TCF23: variants seen among roughly 807,000 people sequenced by gnomAD.
TCF23 encodes transcription factor 23.
TCF23 carries 7 observed loss-of-function variants against 13.0 expected under a neutral mutation model. That is an observed-to-expected ratio of 0.54 (90% confidence interval 0.31 to 1.01). The LOEUF (loss-of-function observed/expected upper bound fraction) is 1.01. TCF23 is among the 50% of genes least tolerant of loss of function. The pLI is 0.06. For synonymous variants in TCF23, 122 were observed against 119.5 expected, an observed-to-expected ratio of 1.02 and a Z score of -0.14; for missense variants, 257 against 289.8, an observed-to-expected ratio of 0.89 and a Z score of 0.82.
Position 27,155,760 on chromosome 2 carries a change from AAAAAG to A in TCF23, c.*2907_*2911del, listed in dbSNP as rs563838456. On this transcript the variant is annotated 3_prime_UTR_variant, in exon 3 of 3. Transcript: ENST00000296096. Reference sequence around the variant, plus strand: ...CTCGGGAAAAAAAAATGAAAGAAAAAAAAAGAAAAGAAAAGAAATAAAAGAAAATA... The same window carrying A: ...CTCGGGAAAAAAAAATGAAAGAAAAAAAAAGAAAAGAAATAAAAGAAAATA... The A allele has an allele frequency of 6.6e-6, 1 of 152,192 alleles. No homozygotes were observed. The highest frequency in any genetic ancestry group is 2.4e-5 in the African/African-American group (1 of 41,408). The allele number at this position is 152,192 out of a possible 1,614,324, so 9.4% of individuals were successfully genotyped here. A position where few individuals can be genotyped will look rare whatever the true frequency, so the allele number is the denominator to read the frequency against.
Position 27,153,058 on chromosome 2 carries a change from T to A in TCF23, c.*191T>A. ...GAGGGGCACAGGTTGGAGAGCCTCCTCCTTGGTCCCCAGGAGGGGACTTCC... is the reference window on the plus strand; with the variant it reads ...GAGGGGCACAGGTTGGAGAGCCTCCACCTTGGTCCCCAGGAGGGGACTTCC... On this transcript the variant is annotated 3_prime_UTR_variant, in exon 3 of 3. Coordinates refer to ENST00000296096, the MANE Select transcript of TCF23 (RefSeq NM_175769.3). The A allele has an allele frequency of 7.5e-7, 1 of 1,326,952 alleles. No homozygotes were observed. Among genetic ancestry groups the A allele is most frequent in the Non-Finnish European group, 9.7e-7 (1 of 1,028,136 alleles). 82.2% of individuals were successfully genotyped at this position (1,326,952 alleles called of 1,614,324 possible). A position where few individuals can be genotyped will look rare whatever the true frequency, so the allele number is the denominator to read the frequency against.
rs1672843700 is a variant in TCF23 at position 27,156,827 on chromosome 2, T to A, written c.*3960T>A. On this transcript the variant is annotated 3_prime_UTR_variant, in exon 3 of 3. Transcript: ENST00000296096. ...GGCTAGGGTGAGTCAGATGGCACTGTCCTCTCCCTTTTGTGGCATGAGCCC... is the reference window on the plus strand; with the variant it reads ...GGCTAGGGTGAGTCAGATGGCACTGACCTCTCCCTTTTGTGGCATGAGCCC... 1 of 152,224 alleles carries A rather than the reference T, an allele frequency of 6.6e-6. No homozygotes were observed. Among genetic ancestry groups the A allele is most frequent in the Non-Finnish European group, 1.5e-5 (1 of 68,052 alleles). 9.4% of individuals were successfully genotyped at this position (152,224 alleles called of 1,614,324 possible).
intron 1 of TCF23, 128 bp downstream of exon 1, chr2:27,149,483 C>T (rs1482495899): frequency 5.6e-6 from 5 of 890,482 alleles, no homozygotes; most frequent in Non-Finnish European, 6.9e-6. Flanking sequence ...GACACTGGCC[C>T]CTTAGACTCC....
At chr2:27,149,868 A>G in intron 1 of TCF23, 2 of 681,764 alleles carry the variant, frequency 2.9e-6, no homozygotes, top group African/African-American at 1.8e-5. Flanking sequence ...GGAGTAGTAG[A>G]GAGAACACAG....
rs1312271940 is a variant in TCF23, at chr2:27,155,390, T to G, written c.*2523T>G. 1.3e-5 allele frequency: 2 copies of G among 152,288 alleles called. No individual in the cohort carries two copies. The allele number at this position is 152,288 out of a possible 1,614,324, so 9.4% of individuals were successfully genotyped here. A position where few individuals can be genotyped will look rare whatever the true frequency, so the allele number is the denominator to read the frequency against. On this transcript the variant is annotated 3_prime_UTR_variant, in exon 3 of 3. Transcript: ENST00000296096. The stretch of plus-strand genomic sequence containing the variant: ...AGCACAGTAATGCCCTTGAGACATG[T>G]CAGGACTTGGATGCGTGAATGAACC...
chr2:27,152,159 C>A (rs1296585707), intron 2 of TCF23, among the ~76,000 whole-genome samples: 1 of 152,170 alleles, frequency 6.6e-6, no homozygotes, highest in Non-Finnish European at 1.5e-5. Flanking sequence ...CCAATGAGGG[C>A]CCGGTTAGGT....
Position 27,156,760 on chromosome 2 carries a change from G to T in TCF23, c.*3893G>T, listed in dbSNP as rs1422138476. On this transcript the variant is annotated 3_prime_UTR_variant, in exon 3 of 3. Coordinates refer to ENST00000296096, the MANE Select transcript of TCF23 (RefSeq NM_175769.3). The stretch of plus-strand genomic sequence containing the variant: ...GGGAACTAGAGAAGTAGAGGATCTA[G>T]CCTTCTCTGAGACTCCTTTTCTCTT... 1.3e-5 allele frequency: 2 copies of T among 152,228 alleles called. No homozygotes were observed. The highest frequency in any genetic ancestry group is 4.8e-5 in the African/African-American group (2 of 41,452). The allele number at this position is 152,228 out of a possible 1,614,324, so 9.4% of individuals were successfully genotyped here. A position where few individuals can be genotyped will look rare whatever the true frequency, so the allele number is the denominator to read the frequency against.
Position 27,149,312 on chromosome 2 carries a change from CT to C in TCF23, c.180del (p.Gly61AlafsTer65). Reference protein sequence around the residue: ...WSNQRWSRATPGPRGTRAGGL... With the variant: ...WSNQRWSRATXGPRGTRAGGL... ...AACCAGAGATGGAGCAGAGCTACCC[CT>C]GGCCCTCGAGGGACCAGGGCTGGGG... On this transcript the variant is annotated frameshift_variant, in exon 1 of 3. Coordinates refer to ENST00000296096, the MANE Select transcript of TCF23 (RefSeq NM_175769.3). LOFTEE classifies it high-confidence loss of function. 1 of 1,594,894 alleles carries C rather than the reference CT, an allele frequency of 6.3e-7. No homozygotes were observed. Among genetic ancestry groups the C allele is most frequent in the South Asian group, 1.1e-5 (1 of 87,560 alleles).
Position 27,153,257 on chromosome 2 carries a change from G to A in TCF23, c.*390G>A, listed in dbSNP as rs1333555137. The A allele has an allele frequency of 1.2e-5, 2 of 167,990 alleles. No individual in the cohort carries two copies. Among genetic ancestry groups the A allele is most frequent in the Non-Finnish European group, 2.5e-5 (2 of 79,110 alleles). The allele number at this position is 167,990 out of a possible 1,614,324, so 10.4% of individuals were successfully genotyped here. A position where few individuals can be genotyped will look rare whatever the true frequency, so the allele number is the denominator to read the frequency against. ...GGGCCTGGGATGGCACCAGCCCCAG[G>A]TGCTGATGGGAAAGCCAGGTGGCCG... On this transcript the variant is annotated 3_prime_UTR_variant, in exon 3 of 3. Transcript: ENST00000296096.
At chr2:27,151,722 A>G (rs1284441266) in intron 2 of TCF23, among the ~76,000 whole-genome samples, 1 of 152,066 alleles carries the variant, frequency 6.6e-6, no homozygotes, top group African/African-American at 2.4e-5. Context: ...TGTACCCTCA[A>G]ACTCCTGGGC....
At chr2:27,149,411 G>A in intron 1 of TCF23, 56 bp downstream of exon 1, 1 of 1,477,224 alleles carries the variant, frequency 6.8e-7, no homozygotes, top group Non-Finnish European at 9.2e-7. Flanking sequence ...TTGGAAGGTG[G>A]GGAGATGTCA....
In TCF23 at chr2:27,150,545, G is replaced by A. The variant is rs1049954263; in HGVS notation, c.465+180G>A. Among the ~76,000 whole-genome samples the A allele has an allele frequency of 2.0e-5, 3 of 152,162 alleles. No homozygotes were observed. The highest frequency in any genetic ancestry group is 4.8e-5 in the African/African-American group (2 of 41,430). On this transcript the variant is annotated intron_variant, in intron 2 of 2. Transcript: ENST00000296096. This position sits in a 1 kb window ranked among gnomAD's most constrained non-coding sequence, Gnocchi z 4.1. ...AGCCAAGGCTGACCCTTGGGGCTGC[G>A]CTGACCCTGGGTTTCTCATGGGAGT...
At position 27,150,446 on chromosome 2, in the gene TCF23, A is replaced by G. The variant is rs752093338; in HGVS notation, c.465+81A>G. On this transcript the variant is annotated intron_variant, in intron 2 of 2. Transcript: ENST00000296096. This position sits in a 1 kb window ranked among gnomAD's most constrained non-coding sequence, Gnocchi z 4.1. Reference sequence around the variant, plus strand: ...GAAAGGGATTGGAATGAGGGGGGACATTGGACTTGGGCCCCCTGCCCTGTG... The same window carrying G: ...GAAAGGGATTGGAATGAGGGGGGACGTTGGACTTGGGCCCCCTGCCCTGTG... The G allele has an allele frequency of 1.3e-6, 2 of 1,567,736 alleles. No individual in the cohort carries two copies. The highest frequency in any genetic ancestry group is 1.7e-5 in the Admixed American group (1 of 57,526).
chr2:27,149,299 A>G lies in TCF23; in HGVS notation c.166A>G (p.Ser56Gly). ...AAGAAGCTGGAGCAACCAGAGATGG[A>G]GCAGAGCTACCCCTGGCCCTCGAGG... ...EERSWSNQRWSRATPGPRGTR... is the reference protein window; with the variant it reads ...EERSWSNQRWGRATPGPRGTR... Residue 56 changes from serine (S) to glycine (G), a missense_variant, in exon 1 of 3, where the codon AGC (serine) becomes GGC (glycine). Physicochemically the swap from Ser to Gly is moderately conservative, Grantham distance 56. Coordinates refer to ENST00000296096, the MANE Select transcript of TCF23 (RefSeq NM_175769.3). 6.3e-7 allele frequency: 1 copy of G among 1,597,560 alleles called. No individual in the cohort carries two copies. Among genetic ancestry groups the G allele is most frequent in the South Asian group, 1.1e-5 (1 of 87,932 alleles).
At position 27,149,081 on chromosome 2, in the gene TCF23, C is replaced by A; in HGVS notation, c.-53C>A. ...ACAGCCAGCTAGCTTGAGTCCAAGG[C>A]CTCCTCAGGCACTGTGTTTCTGCTC... is the stretch of plus-strand genomic sequence containing the variant. On this transcript the variant is annotated 5_prime_UTR_variant, in exon 1 of 3. Coordinates refer to ENST00000296096, the MANE Select transcript of TCF23 (RefSeq NM_175769.3). 1 of 1,501,504 alleles carries A rather than the reference C, an allele frequency of 6.7e-7. No homozygotes were observed. The highest frequency in any genetic ancestry group is 1.2e-5 in the South Asian group (1 of 80,782). The allele number at this position is 1,501,504 out of a possible 1,614,324, so 93.0% of individuals were successfully genotyped here.
Position 27,153,326 on chromosome 2 carries a change from G to A in TCF23, c.*459G>A, listed in dbSNP as rs1672789265. ...CCAAGTGTAAACAGATCTGGGCTGGGTCACACAGCCAGAGGGGAAACTGAA... is the reference window on the plus strand; with the variant it reads ...CCAAGTGTAAACAGATCTGGGCTGGATCACACAGCCAGAGGGGAAACTGAA... On this transcript the variant is annotated 3_prime_UTR_variant, in exon 3 of 3. Coordinates refer to ENST00000296096, the MANE Select transcript of TCF23 (RefSeq NM_175769.3). 1 of 155,324 alleles carries A rather than the reference G, an allele frequency of 6.4e-6. No homozygotes were observed. The highest frequency in any genetic ancestry group is 1.4e-5 in the Non-Finnish European group (1 of 70,244). 9.6% of individuals were successfully genotyped at this position (155,324 alleles called of 1,614,324 possible).
Position 27,150,496 on chromosome 2 carries a change from C to T in TCF23, c.465+131C>T, listed in dbSNP as rs1405825011. 2 of 1,460,538 alleles carry T rather than the reference C, an allele frequency of 1.4e-6. No individual in the cohort carries two copies. Among genetic ancestry groups the T allele is most frequent in the Non-Finnish European group, 1.9e-6 (2 of 1,080,956 alleles). The allele number at this position is 1,460,538 out of a possible 1,614,324, so 90.5% of individuals were successfully genotyped here. ...GCAGAACTGACGTCGGAGCCAATTT[C>T]TCCTGCTGTCTCAGAGGGAGAGGAG... is the stretch of plus-strand genomic sequence containing the variant. On this transcript the variant is annotated intron_variant, in intron 2 of 2. Coordinates refer to ENST00000296096, the MANE Select transcript of TCF23 (RefSeq NM_175769.3). The surrounding 1 kb of genome is among the most constrained non-coding windows in gnomAD (Gnocchi z 4.1).
At chr2:27,149,758 A>G in intron 1 of TCF23, 1 of 609,070 alleles carries the variant, frequency 1.6e-6, no homozygotes, top group Non-Finnish European at 3.2e-6. Flanking sequence ...GCCCTCCCAA[A>G]CAGGGTGTAG....
rs1042882295 is a variant in TCF23, at chr2:27,152,865, T to C, written c.643T>C (p.Ter215GlnextTer11). Reference sequence around the variant, plus strand: ...ACTCTCACCAGCTCTTGGTGACAAATAATTATCACACTCGCCCTTTTCTCC... The same window carrying C: ...ACTCTCACCAGCTCTTGGTGACAAACAATTATCACACTCGCCCTTTTCTCC... ...TPLSPALGDK[*>Q] Residue 215 changes from the stop codon to glutamine (Q), a stop_lost, in exon 3 of 3, where the codon TAA becomes CAA. Coordinates refer to ENST00000296096, the MANE Select transcript of TCF23 (RefSeq NM_175769.3). The C allele has an allele frequency of 6.2e-6, 10 of 1,612,706 alleles. No individual in the cohort carries two copies. The highest frequency in any genetic ancestry group is 8.5e-6 in the Non-Finnish European group (10 of 1,179,246).
Sources: gnomAD v4.1 joint callset for allele counts (sites outside exome capture counted in the v4.1 genomes callset) on GRCh38, gnomAD v4.1.1 for gene constraint, Gnocchi (gnomAD v3.1) non-coding constraint, MANE v1.5 for transcripts, NCBI Gene and HGNC (gene_info 2026-07-23, HGNC 2026-07-21) for gene names.